Variants in GPR137B observed in about 807,000 individuals in gnomAD.
The protein encoded by GPR137B is integral membrane protein GPR137B.
In GPR137B, 42 loss-of-function variants were observed where a neutral mutation model predicts 42.5. The ratio of observed to expected loss-of-function variants is 0.99; its 90% CI spans 0.77 to 1.28. The LOEUF (loss-of-function observed/expected upper bound fraction) is 1.28, where lower values mean the gene tolerates loss of function less well. Among genes scored for constraint, GPR137B ranks in the 50% most tolerant of loss-of-function variants. The probability of loss-of-function intolerance (pLI) is 0.00; values close to 1 mark genes in which losing one functional copy is unlikely to be tolerated. For synonymous variants in GPR137B, 218 were observed against 209.7 expected, an observed-to-expected ratio of 1.04 and a Z score of -0.34; for missense variants, 487 against 493.9, an observed-to-expected ratio of 0.99 and a Z score of 0.13.
intron 5 of GPR137B, among the ~76,000 whole-genome samples, chr1:236,197,907 G>A (rs968928425): frequency 6.6e-6 from 1 of 152,122 alleles, no homozygotes; most frequent in Admixed American, 6.5e-5. Flanking sequence ...TTTTAGTAGA[G>A]ACGAGGTTTC....
chr1:236,146,408 G>A lies in GPR137B; in HGVS notation c.414+3372G>A, dbSNP rs187126483. Among the ~76,000 whole-genome samples the A allele has an allele frequency of 4.7e-3, 722 of 152,284 alleles. 4 individuals carry two copies. The highest frequency in any genetic ancestry group is 7.6e-3 in the Non-Finnish European group (520 of 68,014). ...AAGAGAGGATGGTGGGAAGGAAGTCGTGGGGGCAGTTTGGGAATTGGGAAT... is the reference window on the plus strand; with the variant it reads ...AAGAGAGGATGGTGGGAAGGAAGTCATGGGGGCAGTTTGGGAATTGGGAAT... On this transcript the variant is annotated intron_variant, in intron 1 of 6. Transcript: ENST00000366592.
intron 5 of GPR137B, among the ~76,000 whole-genome samples, chr1:236,203,002 A>T (rs1476836161): frequency 6.6e-6 from 1 of 152,152 alleles, no homozygotes; most frequent in Non-Finnish European, 1.5e-5. Flanking sequence ...GTTGAAAATG[A>T]GTTCACTGTA....
chr1:236,159,360 C>T (rs994847502), intron 1 of GPR137B, among the ~76,000 whole-genome samples: 2 of 152,050 alleles, frequency 1.3e-5, no homozygotes, highest in Non-Finnish European at 2.9e-5. Context: ...CAAATGTCAA[C>T]TTGAGTTAGT....
chr1:236,176,138 G>A (rs1299153930), intron 2 of GPR137B, among the ~76,000 whole-genome samples: 1 of 152,194 alleles, frequency 6.6e-6, no homozygotes, highest in Non-Finnish European at 1.5e-5. Context: ...GAAGAGGTTG[G>A]AGGTGCGGAG....
chr1:236,143,799 C>T (rs1008778923), intron 1 of GPR137B, among the ~76,000 whole-genome samples: 7 of 152,232 alleles, frequency 4.6e-5, no homozygotes, highest in African/African-American at 1.7e-4. Context: ...ATTAACTTGG[C>T]TGCTGCTTTA....
rs760340493 is a variant in GPR137B at position 236,183,745 on chromosome 1, G to A, written c.838-33G>A. 15 of 1,541,484 alleles carry A rather than the reference G, an allele frequency of 9.7e-6. No homozygotes were observed. In the East Asian group the frequency reaches 3.4e-4, roughly 35 times the overall value. ...AATCAAATTTATTTCCTCTTCCCTT[G>A]GTCTGATGACTCTCCCTGTCTGTTT... On this transcript the variant is annotated intron_variant, in intron 4 of 6. Coordinates refer to ENST00000366592, the MANE Select transcript of GPR137B (RefSeq NM_003272.4).
At chr1:236,178,861 G>T (rs1363216416) in intron 3 of GPR137B, among the ~76,000 whole-genome samples, 5 of 130,354 alleles carry the variant, frequency 3.8e-5, no homozygotes, top group African/African-American at 1.4e-4. Flanking sequence ...GCAGTGGGGT[G>T]ATCTCGGCTC....
At chr1:236,188,539 ATT>A (rs2102917718) in intron 5 of GPR137B, among the ~76,000 whole-genome samples, 1 of 152,206 alleles carries the variant, frequency 6.6e-6, no homozygotes, top group East Asian at 1.9e-4. Context: ...CGGGTGTTGA[ATT>A]TTGTCGAAGG....
At chr1:236,182,170 C>T (rs768515933) in intron 4 of GPR137B, among the ~76,000 whole-genome samples, 2 of 152,162 alleles carry the variant, frequency 1.3e-5, no homozygotes, top group Middle Eastern at 3.4e-3. Flanking sequence ...GGATTATAGG[C>T]GTCAGCCACC....
rs532358074 is a variant in GPR137B at position 236,158,281 on chromosome 1, C to T, written c.415-10425C>T. On this transcript the variant is annotated intron_variant, in intron 1 of 6. Coordinates refer to ENST00000366592, the MANE Select transcript of GPR137B (RefSeq NM_003272.4). ...CTCTACTAAAAATACAAAGATTTGC[C>T]GGGTGTGGTTGCACGTGCCTATAAT... is the stretch of plus-strand genomic sequence containing the variant. Among the ~76,000 whole-genome samples the T allele has an allele frequency of 6.6e-4, 100 of 152,234 alleles. 2 individuals carry two copies. The South Asian group carries it at 7.3e-3, about 11-fold the overall frequency.
At chr1:236,178,771 A>AG (rs1662769927) in intron 3 of GPR137B, 135 bp downstream of exon 3, 1 of 186,400 alleles carries the variant, frequency 5.4e-6, no homozygotes, top group Admixed American at 8.1e-5. Context: ...TCTCCCACAC[A>AG]GGGGCTACTC....
intron 1 of GPR137B, among the ~76,000 whole-genome samples, chr1:236,161,808 ACT>A (rs1662210624): frequency 6.6e-6 from 1 of 151,374 alleles, no homozygotes; most frequent in Non-Finnish European, 1.5e-5. Context: ...TCCTGCCATG[ACT>A]CTGAGGCCTC....
chr1:236,196,055 T>C (rs2102922268), intron 5 of GPR137B, among the ~76,000 whole-genome samples: 1 of 152,286 alleles, frequency 6.6e-6, no homozygotes, highest in Non-Finnish European at 1.5e-5. Flanking sequence ...TCTTTTACTG[T>C]GCAAAAGCTT....
rs777268067 is a variant in GPR137B, at chr1:236,178,562, T to TGTGCCG, written c.614_619dup (p.Ala206_Val207insGlyAla). On this transcript the variant is annotated inframe_insertion, in exon 3 of 7. Transcript: ENST00000366592. ...CATTAATGACACGCTCTTCGTGCTG[T>TGTGCCG]GTGCCGTCTCTCTCTCCATCTGTCT... 31 of 1,613,258 alleles carry TGTGCCG rather than the reference T, an allele frequency of 1.9e-5. No individual in the cohort carries two copies. Among genetic ancestry groups the TGTGCCG allele is most frequent in the Non-Finnish European group, 2.5e-5 (29 of 1,179,900 alleles).
intron 1 of GPR137B, among the ~76,000 whole-genome samples, chr1:236,162,439 A>G (rs1662228649): frequency 6.6e-6 from 1 of 152,250 alleles, no homozygotes; most frequent in South Asian, 2.1e-4. Context: ...CACGCTACAG[A>G]AATGTGTATA....
intron 5 of GPR137B, among the ~76,000 whole-genome samples, chr1:236,199,143 CCATT>C (rs1663423965): frequency 1.3e-5 from 2 of 152,084 alleles, no homozygotes; most frequent in Admixed American, 1.3e-4. Flanking sequence ...TTTTCTGCAT[CCATT>C]GAGATAATCA....
chr1:236,151,136 T>A (rs985804306), intron 1 of GPR137B, among the ~76,000 whole-genome samples: 1 of 152,238 alleles, frequency 6.6e-6, no homozygotes. Flanking sequence ...TTGGAAGGTC[T>A]GTCTGGGTCC....
intron 2 of GPR137B, among the ~76,000 whole-genome samples, chr1:236,177,442 C>T (rs896474200): frequency 6.6e-6 from 1 of 152,166 alleles, no homozygotes; most frequent in African/African-American, 2.4e-5. Flanking sequence ...ATAGATTTTA[C>T]ACAGGTCACT....
chr1:236,156,675 G>A lies in GPR137B; in HGVS notation c.415-12031G>A, dbSNP rs1304820293. ...AGGAGAACTCCGGTGTCTGGATTTCGGGGACCGACTGTCTTGTCACCCTGC... is the reference window on the plus strand; with the variant it reads ...AGGAGAACTCCGGTGTCTGGATTTCAGGGACCGACTGTCTTGTCACCCTGC... On this transcript the variant is annotated intron_variant, in intron 1 of 6. Transcript: ENST00000366592. The surrounding 1 kb of genome is among the most constrained non-coding windows in gnomAD (Gnocchi z 4.8). Among the ~76,000 whole-genome samples, 3 of 152,176 alleles carry A rather than the reference G, an allele frequency of 2.0e-5. No individual in the cohort carries two copies. Among genetic ancestry groups the A allele is most frequent in the Admixed American group, 6.5e-5 (1 of 15,276 alleles).
Sources: allele counts gnomAD v4.1 joint callset (sites outside exome capture counted in the v4.1 genomes callset), GRCh38; gene constraint gnomAD v4.1.1; non-coding constraint Gnocchi (gnomAD v3.1); transcripts MANE v1.5; gene names NCBI Gene and HGNC (gene_info 2026-07-23, HGNC 2026-07-21).